COX6C: variants seen among roughly 807,000 people sequenced by gnomAD.
The protein encoded by COX6C is cytochrome c oxidase polypeptide VIc.
Under a neutral mutation model 6.9 loss-of-function variants are expected in COX6C, and 3 were observed. The observed-to-expected ratio is 0.43, with a 90% CI of 0.20 to 1.12. COX6C has a LOEUF of 1.12. COX6C is among the 50% of genes most tolerant of loss of function. The pLI, the probability that COX6C is intolerant of heterozygous loss-of-function variation, is 0.27. For synonymous variants in COX6C, 32 were observed against 32.0 expected, an observed-to-expected ratio of 1.00 and a Z score of 0.00; for missense variants, 101 against 97.3, an observed-to-expected ratio of 1.04 and a Z score of -0.16.
chr8:99,883,963 T>C (rs2131004644), intron 3 of COX6C, among the ~76,000 whole-genome samples: 1 of 152,240 alleles, frequency 6.6e-6, no homozygotes, highest in Non-Finnish European at 1.5e-5. Flanking sequence ...TCAACATCCT[T>C]TCATGATCAA....
chr8:99,890,576 G>A, intron 2 of COX6C, among the ~76,000 whole-genome samples: 1 of 152,046 alleles, frequency 6.6e-6, no homozygotes, highest in East Asian at 1.9e-4. Context: ...CCAACAACAG[G>A]GTGCCACAGT....
intron 2 of COX6C, 83 bp from the exon 3 acceptor site, chr8:99,887,701 G>A: frequency 1.1e-6 from 1 of 886,478 alleles, no homozygotes; most frequent in Non-Finnish European, 1.6e-6. Flanking sequence ...AGACAAGGTA[G>A]AACACATGTT....
chr8:99,887,180 T>C (rs1310434235), intron 3 of COX6C: 2 of 170,138 alleles, frequency 1.2e-5, no homozygotes, highest in East Asian at 1.6e-4. Context: ...GCCTAGCTTA[T>C]AATAAAACAC....
At chr8:99,890,900 A>C (rs530255056) in intron 2 of COX6C, among the ~76,000 whole-genome samples, 1 of 152,376 alleles carries the variant, frequency 6.6e-6, no homozygotes, top group East Asian at 1.9e-4. Flanking sequence ...TGCACGTTCC[A>C]CACTCATGGA....
intron 2 of COX6C, among the ~76,000 whole-genome samples, chr8:99,891,636 C>T (rs1246044153): frequency 6.6e-6 from 1 of 152,162 alleles, no homozygotes; most frequent in East Asian, 1.9e-4. Context: ...CCAACAGAGG[C>T]CTCAGAAGAT....
intron 2 of COX6C, among the ~76,000 whole-genome samples, chr8:99,891,520 G>A (rs1818031851): frequency 6.6e-6 from 1 of 151,790 alleles, no homozygotes. Context: ...AAGAAGGGCA[G>A]AAAAAGGAAA....
chr8:99,879,037 C>G (rs1817809033), intron 3 of COX6C, among the ~76,000 whole-genome samples: 2 of 152,230 alleles, frequency 1.3e-5, no homozygotes, highest in Non-Finnish European at 2.9e-5. Context: ...AGCAGTTTCA[C>G]ATTCTCTGTG....
intron 3 of COX6C, chr8:99,886,150 G>A (rs1191793729): frequency 6.6e-6 from 1 of 152,292 alleles, no homozygotes; most frequent in Non-Finnish European, 1.5e-5. Flanking sequence ...AACACTTTGG[G>A]AGGCCAAGGT....
chr8:99,882,292 C>T (rs1043212382), intron 3 of COX6C, among the ~76,000 whole-genome samples: 8 of 152,168 alleles, frequency 5.3e-5, no homozygotes, highest in Admixed American at 5.2e-4. Context: ...CCCAAGAGAA[C>T]ATGGAACATT....
chr8:99,888,158 C>T (rs1236179032), intron 2 of COX6C, among the ~76,000 whole-genome samples: 1 of 150,734 alleles, frequency 6.6e-6, no homozygotes, highest in African/African-American at 2.4e-5. Context: ...ATGGGGTCTC[C>T]CTCTGCAGAA....
chr8:99,893,116 G>C (rs1367951903), intron 1 of COX6C: 1 of 152,232 alleles, frequency 6.6e-6, no homozygotes, highest in African/African-American at 2.4e-5. Flanking sequence ...GTTGCAGGAA[G>C]CCCATCCTTC....
At chr8:99,888,098 T>TA (rs1409167302) in intron 2 of COX6C, among the ~76,000 whole-genome samples, 1 of 124,088 alleles carries the variant, frequency 8.1e-6, no homozygotes, top group East Asian at 2.3e-4. Flanking sequence ...CTCAAAAAAA[T>TA]AAAAAATAAA....
At chr8:99,892,340 T>A (rs1336124597) in intron 1 of COX6C, among the ~76,000 whole-genome samples, 1 of 152,138 alleles carries the variant, frequency 6.6e-6, no homozygotes, top group African/African-American at 2.4e-5. Flanking sequence ...CTAAACTGTT[T>A]ATCAAAAATT....
chr8:99,884,213 T>C (rs776697120), intron 3 of COX6C, among the ~76,000 whole-genome samples: 2 of 152,230 alleles, frequency 1.3e-5, no homozygotes, highest in Non-Finnish European at 2.9e-5. Context: ...TTACAGATCA[T>C]ATAATCTTAC....
At chr8:99,883,351 C>A (rs1817892892) in intron 3 of COX6C, among the ~76,000 whole-genome samples, 1 of 151,652 alleles carries the variant, frequency 6.6e-6, no homozygotes, top group Non-Finnish European at 1.5e-5. Flanking sequence ...GTAACTGAGA[C>A]TACAGGCATG....
At chr8:99,881,495 T>A (rs1817864199) in intron 3 of COX6C, among the ~76,000 whole-genome samples, 1 of 152,190 alleles carries the variant, frequency 6.6e-6, no homozygotes, top group Non-Finnish European at 1.5e-5. Flanking sequence ...ATGTGTGATA[T>A]CAGTAACACA....
At chr8:99,881,834 A>T (rs1817870045) in intron 3 of COX6C, among the ~76,000 whole-genome samples, 1 of 152,230 alleles carries the variant, frequency 6.6e-6, no homozygotes, top group African/African-American at 2.4e-5. Context: ...GGATCCAATT[A>T]TATGCTGTCT....
intron 3 of COX6C, among the ~76,000 whole-genome samples, chr8:99,880,453 CTGTG>C (rs1389511315): frequency 2.0e-5 from 3 of 152,182 alleles, no homozygotes; most frequent in African/African-American, 7.2e-5. Flanking sequence ...ACCAAACACA[CTGTG>C]GAGCTGAAAA....
intron 3 of COX6C, chr8:99,878,650 A>G (rs1817793781): frequency 6.7e-6 from 1 of 149,898 alleles, no homozygotes. Context: ...CTGTCTCCAA[A>G]TATGTTCTCT....
Sources: gnomAD v4.1 joint callset for allele counts (sites outside exome capture counted in the v4.1 genomes callset) on GRCh38, gnomAD v4.1.1 for gene constraint, MANE v1.5 for transcripts, NCBI Gene and HGNC (gene_info 2026-07-23, HGNC 2026-07-21) for gene names.